LHX1: variants seen among roughly 807,000 people sequenced by gnomAD.
LHX1 encodes LIM/homeobox protein Lhx1.
LHX1 carries 9 observed loss-of-function variants against 34.1 expected under a neutral mutation model. The observed-to-expected ratio is 0.26, with a 90% CI of 0.16 to 0.46. The LOEUF is 0.46. LHX1 is among the 20% of genes least tolerant of loss of function. LHX1 has a pLI of 1.00. For missense variants in LHX1, 446 were observed against 559.1 expected, an observed-to-expected ratio of 0.80 and a Z score of 2.04; for synonymous variants, 254 against 241.5, an observed-to-expected ratio of 1.05 and a Z score of -0.48.
intron 1 of LHX1, among the ~76,000 whole-genome samples, chr17:36,939,727 G>T (rs1274987264): frequency 6.6e-6 from 1 of 152,252 alleles, no homozygotes; most frequent in Non-Finnish European, 1.5e-5. Flanking sequence ...CGGCGGCCCC[G>T]CTAAGGCTAC....
Position 36,942,092 on chromosome 17 carries a change from C to T in LHX1, c.676-108C>T, listed in dbSNP as rs1159390686. On this transcript the variant is annotated intron_variant, in intron 3 of 4. Transcript: ENST00000614239. ...CCCTACACACACACACAAGCGCGCG[C>T]GCGCGGTGTCGGCTAGCCAGGCGGT... 7 of 1,163,256 alleles carry T rather than the reference C, an allele frequency of 6.0e-6. No homozygotes were observed. The South Asian group carries it at 8.1e-5, about 13-fold the overall frequency. The allele number at this position is 1,163,256 out of a possible 1,614,324, so 72.1% of individuals were successfully genotyped here.
chr17:36,941,253 G>T lies in LHX1; in HGVS notation c.675+366G>T, dbSNP rs1597689522. On this transcript the variant is annotated intron_variant, in intron 3 of 4. Transcript: ENST00000614239. ...CAGAGAAGTCTCAGTGTCCCCCAGA[G>T]TCAATCAGTCCCTCTGCCTTCTGCA... The T allele has an allele frequency of 9.8e-6, 5 of 510,170 alleles. No homozygotes were observed. The East Asian group carries it at 2.0e-4, about 21-fold the overall frequency. 31.6% of individuals were successfully genotyped at this position (510,170 alleles called of 1,614,324 possible).
intron 4 of LHX1, 151 bp downstream of exon 4, chr17:36,942,516 C>T (rs1312485091): frequency 5.3e-6 from 5 of 948,120 alleles, no homozygotes; most frequent in East Asian, 2.7e-5. Flanking sequence ...CAAGGGGAGG[C>T]GGCGAGACCG....
intron 3 of LHX1, 86 bp from the exon 4 acceptor site, chr17:36,942,111 AGGC>A: frequency 7.2e-7 from 1 of 1,383,174 alleles, no homozygotes. Context: ...TCGGCTAGCC[AGGC>A]GGTGAAGGGG....
At chr17:36,939,574 T>C (rs2070750740) in intron 1 of LHX1, among the ~76,000 whole-genome samples, 1 of 152,182 alleles carries the variant, frequency 6.6e-6, no homozygotes, top group African/African-American at 2.4e-5. Flanking sequence ...GACTGGATCA[T>C]AGCGGGAGGG....
intron 1 of LHX1, among the ~76,000 whole-genome samples, chr17:36,939,742 G>T (rs912956783): frequency 2.6e-5 from 4 of 152,248 alleles, no homozygotes; most frequent in African/African-American, 9.6e-5. Context: ...GGCTACGGAG[G>T]GGGGCTCTCC....
Position 36,942,941 on chromosome 17 carries a change from C to T in LHX1, c.1031C>T (p.Thr344Ile), listed in dbSNP as rs1374740334. 6 of 1,608,238 alleles carry T rather than the reference C, an allele frequency of 3.7e-6. No individual in the cohort carries two copies. The South Asian group carries it at 4.4e-5, about 12-fold the overall frequency. ...HHPSSEAQRF[T>I]DILAHPPGDS... is the part of the protein sequence containing the mutation. ...CCGTCGAGCGAGGCGCAGCGGTTTA[C>T]CGACATCCTGGCGCACCCACCCGGG... is the stretch of plus-strand genomic sequence containing the variant. Residue 344 changes from threonine (T) to isoleucine (I), a missense_variant, in exon 5 of 5, where the codon ACC (threonine) becomes ATC (isoleucine). Coordinates refer to ENST00000614239, the MANE Select transcript of LHX1 (RefSeq NM_005568.5).
intron 1 of LHX1, 85 bp downstream of exon 1, chr17:36,938,452 C>T: frequency 7.1e-7 from 1 of 1,401,474 alleles, no homozygotes; most frequent in Non-Finnish European, 1.0e-6. Context: ...AGCGTGGCCT[C>T]GCTGCCCAGT....
Position 36,943,368 on chromosome 17 carries a change from C to T in LHX1, c.*237C>T. On this transcript the variant is annotated 3_prime_UTR_variant, in exon 5 of 5. Coordinates refer to ENST00000614239, the MANE Select transcript of LHX1 (RefSeq NM_005568.5). ...TGTCGACGTGCAGAACTGGGGCTCC[C>T]CAAAGGAAACGCAGACCTCTCCCCA... is the stretch of plus-strand genomic sequence containing the variant. 1 of 509,874 alleles carries T rather than the reference C, an allele frequency of 2.0e-6. No individual in the cohort carries two copies. 31.6% of individuals were successfully genotyped at this position (509,874 alleles called of 1,614,324 possible).
intron 1 of LHX1, 130 bp downstream of exon 1, chr17:36,938,497 G>A: frequency 1.1e-6 from 1 of 896,602 alleles, no homozygotes; most frequent in Non-Finnish European, 1.7e-6. Flanking sequence ...GCCAAGTCCC[G>A]CGGGCGCCCG....
Position 36,938,159 on chromosome 17 carries a change from C to G in LHX1, c.-39C>G. ...TCATCCCCTGGGCTCTACTTTGCCC[C>G]TCTCTCTCTCTGGGCCTCATCAGAC... is the stretch of plus-strand genomic sequence containing the variant. On this transcript the variant is annotated 5_prime_UTR_variant, in exon 1 of 5. Coordinates refer to ENST00000614239, the MANE Select transcript of LHX1 (RefSeq NM_005568.5). 6.7e-7 allele frequency: 1 copy of G among 1,486,902 alleles called. No individual in the cohort carries two copies. Among genetic ancestry groups the G allele is most frequent in the Non-Finnish European group, 9.3e-7 (1 of 1,077,322 alleles). The allele number at this position is 1,486,902 out of a possible 1,614,324, so 92.1% of individuals were successfully genotyped here.
At chr17:36,937,194 C>A (rs1329637468), upstream of LHX1, 1 of 453,186 alleles carries the variant, frequency 2.2e-6, no homozygotes, top group Admixed American at 2.4e-5. Context: ...CGGGGCTGTG[C>A]GCCCAGGCGG....
At position 36,943,839 on chromosome 17, in the gene LHX1, A is replaced by G. The variant is rs2070785017; in HGVS notation, c.*708A>G. ...CACACATACACACGTACACGGACACACTCGGTAAGATGGTCTCCAGCCAGA... is the reference window on the plus strand; with the variant it reads ...CACACATACACACGTACACGGACACGCTCGGTAAGATGGTCTCCAGCCAGA... On this transcript the variant is annotated 3_prime_UTR_variant, in exon 5 of 5. Coordinates refer to ENST00000614239, the MANE Select transcript of LHX1 (RefSeq NM_005568.5). 6.6e-6 allele frequency: 1 copy of G among 151,684 alleles called. No homozygotes were observed. The highest frequency in any genetic ancestry group is 6.6e-5 in the Admixed American group (1 of 15,200). 9.4% of individuals were successfully genotyped at this position (151,684 alleles called of 1,614,324 possible). A position where few individuals can be genotyped will look rare whatever the true frequency, so the allele number is the denominator to read the frequency against.
rs1176527699 is a variant in LHX1, at chr17:36,942,964, G to C, written c.1054G>C (p.Gly352Arg). The C allele has an allele frequency of 4.3e-6, 7 of 1,610,240 alleles. No individual in the cohort carries two copies. Among genetic ancestry groups the C allele is most frequent in the African/African-American group, 1.3e-5 (1 of 74,860 alleles). ...TACCGACATCCTGGCGCACCCACCC[G>C]GGGACTCGCCCAGCCCCGAGCCCAG... is the stretch of plus-strand genomic sequence containing the variant. ...RFTDILAHPP[G>R]DSPSPEPSLP... is the part of the protein sequence containing the mutation. The change falls in exon 5 of 5, where the codon GGG becomes CGG. Residue 352 changes from glycine to arginine, a missense_variant. Coordinates refer to ENST00000614239, the MANE Select transcript of LHX1 (RefSeq NM_005568.5).
At position 36,942,906 on chromosome 17, in the gene LHX1, G is replaced by C. The variant is rs746646319; in HGVS notation, c.996G>C (p.Pro332=). 2.5e-6 allele frequency: 4 copies of C among 1,598,444 alleles called. No individual in the cohort carries two copies. Among genetic ancestry groups the C allele is most frequent in the South Asian group, 1.1e-5 (1 of 89,392 alleles). The change falls in exon 5 of 5, where the codon CCG becomes CCC. Residue 332 remains proline (P), a synonymous_variant. Coordinates refer to ENST00000614239, the MANE Select transcript of LHX1 (RefSeq NM_005568.5). ...TPLGGLEHPL[P]GHHPSSEAQR... ...TGGGTGGCCTGGAGCACCCGCTGCC[G>C]GGCCACCACCCGTCGAGCGAGGCGC...
chr17:36,940,877 G>A lies in LHX1; in HGVS notation c.665G>A (p.Arg222His). 1 of 1,598,982 alleles carries A rather than the reference G, an allele frequency of 6.3e-7. No individual in the cohort carries two copies. The highest frequency in any genetic ancestry group is 8.5e-7 in the Non-Finnish European group (1 of 1,175,266). ...QLAQETGLNM[R>H]VIQVWFQNRR... ...GCGCAGGAGACCGGCCTCAACATGC[G>A]CGTCATTCAGGTCAGGCCCCGGCGC... The change falls in exon 3 of 5, where the codon CGC (arginine) becomes CAC (histidine). Residue 222 changes from arginine to histidine, a missense_variant. By Grantham distance (29) the Arg-to-His change is conservative. Around this residue, in one of 3 missense-constraint regions of LHX1, gnomAD observed 43 missense variants for 108.0 expected, o/e 0.40. Transcript: ENST00000614239.
In LHX1 at chr17:36,944,237, C is replaced by T. The variant is rs1304550038; in HGVS notation, c.*1106C>T. On this transcript the variant is annotated 3_prime_UTR_variant, in exon 5 of 5. Transcript: ENST00000614239. ...TTATAGCACAAATACTGTAAAGGTG[C>T]CTGGCACCAGCAACCTGAGAAAGTG... The T allele has an allele frequency of 6.7e-6, 1 of 149,216 alleles. No individual in the cohort carries two copies. The allele number at this position is 149,216 out of a possible 1,614,324, so 9.2% of individuals were successfully genotyped here.
intron 3 of LHX1, chr17:36,941,321 C>G: frequency 2.7e-6 from 1 of 372,434 alleles, no homozygotes; most frequent in Non-Finnish European, 5.2e-6. Flanking sequence ...ACTTTGTGAT[C>G]GCTTGCTCCA....
At chr17:36,940,137 C>A in intron 1 of LHX1, 153 bp from the exon 2 acceptor site, 2 of 640,708 alleles carry the variant, frequency 3.1e-6, no homozygotes, top group Non-Finnish European at 2.8e-6. Flanking sequence ...TTATCTCTCT[C>A]TTCCCTTCTT....
Sources: allele counts gnomAD v4.1 joint callset (sites outside exome capture counted in the v4.1 genomes callset), GRCh38; gene constraint gnomAD v4.1.1; regional missense constraint gnomAD v4.1.1; transcripts MANE v1.5; gene names NCBI Gene and HGNC (gene_info 2026-07-23, HGNC 2026-07-21).